The following ROCK2 variants were observed in gnomAD, a reference collection of about 807,000 sequenced individuals.
ROCK2 encodes rho-associated protein kinase 2.
Under a neutral mutation model 195.1 loss-of-function variants are expected in ROCK2, and 61 were observed. The ratio of observed to expected loss-of-function variants is 0.31; its 90% confidence interval spans 0.25 to 0.39. ROCK2 has a LOEUF of 0.39. Ranked by LOEUF, ROCK2 falls within the 10% of genes least tolerant of loss-of-function variation. ROCK2 has a pLI of 1.00. For synonymous variants in ROCK2, 504 were observed against 545.5 expected (o/e 0.92, Z 1.06); for missense variants, 1,109 against 1,637.4 (o/e 0.68, Z 5.57).
chr2:11,301,790 A>AG (rs1349283473), intron 1 of ROCK2, among the ~76,000 whole-genome samples: 1 of 152,042 alleles, frequency 6.6e-6, no homozygotes, highest in African/African-American at 2.4e-5. Flanking sequence ...AAAAAAAAAA[A>AG]AAAAAAATCT....
intron 20 of ROCK2, among the ~76,000 whole-genome samples, chr2:11,202,423 A>C (rs1305687742): frequency 2.0e-5 from 3 of 151,982 alleles, no homozygotes; most frequent in Non-Finnish European, 4.4e-5. Flanking sequence ...TTTCTAACAC[A>C]ATACAAATCA....
rs1261004517 is a variant in ROCK2 at position 11,221,360 on chromosome 2, A to G, written c.1100-3T>C. 2.6e-6 allele frequency: 4 copies of G among 1,522,362 alleles called. No homozygotes were observed. The highest frequency in any genetic ancestry group is 3.5e-6 in the Non-Finnish European group (4 of 1,146,474). 94.3% of individuals were successfully genotyped at this position (1,522,362 alleles called of 1,614,324 possible). A position where few individuals can be genotyped will look rare whatever the true frequency, so the allele number is the denominator to read the frequency against. On this transcript the variant is annotated splice_polypyrimidine_tract_variant and splice_region_variant and intron_variant, in intron 8 of 32. Coordinates refer to ENST00000315872, the MANE Select transcript of ROCK2 (RefSeq NM_004850.5). ...TTCAGGTACTACAGGAGCTGCCGCT[A>G]TTAAAAGAAAAGAAATAAATTATTT...
chr2:11,332,143 A>T (rs923467206), intron 1 of ROCK2, among the ~76,000 whole-genome samples: 1 of 151,360 alleles, frequency 6.6e-6, no homozygotes, highest in Non-Finnish European at 1.5e-5. Flanking sequence ...CCATCTCTTA[A>T]AAAAAAAACC....
chr2:11,222,034 T>C (rs372596800), intron 8 of ROCK2, 49 bp downstream of exon 8: 9 of 1,093,694 alleles, frequency 8.2e-6, no homozygotes, highest in East Asian at 7.1e-5. Context: ...AATCAACTTA[T>C]GAGTTTCAGA....
intron 3 of ROCK2, among the ~76,000 whole-genome samples, chr2:11,253,591 T>C (rs762866866): frequency 1.2e-4 from 19 of 152,266 alleles, no homozygotes; most frequent in Admixed American, 8.5e-4. Flanking sequence ...CTGTCTCCCA[T>C]AGTGGAATGT....
chr2:11,335,111 ACAC>A (rs769824455), intron 1 of ROCK2, among the ~76,000 whole-genome samples: 595 of 6,482 alleles, frequency 0.092, 2 homozygotes, highest in Non-Finnish European at 0.16. Context: ...TGACTGATAC[ACAC>A]ACACACACAC....
intron 1 of ROCK2, among the ~76,000 whole-genome samples, chr2:11,329,969 T>C (rs753777658): frequency 4.6e-5 from 7 of 152,182 alleles, no homozygotes; most frequent in Non-Finnish European, 1.0e-4. Flanking sequence ...AACTGACTCA[T>C]GAAGTCTCAA....
At chr2:11,260,269 G>A (rs1030349813) in intron 3 of ROCK2, among the ~76,000 whole-genome samples, 4 of 150,898 alleles carry the variant, frequency 2.7e-5, no homozygotes, top group African/African-American at 7.4e-5. Context: ...CCAACATGGC[G>A]AAACCCCATC....
chr2:11,315,479 CAG>C (rs1668163210), intron 1 of ROCK2, among the ~76,000 whole-genome samples: 1 of 150,758 alleles, frequency 6.6e-6, no homozygotes, highest in Non-Finnish European at 1.5e-5. Flanking sequence ...TAAAAAAAAA[CAG>C]TAAATTATCT....
chr2:11,302,325 T>TTG (rs2148218238), intron 1 of ROCK2, among the ~76,000 whole-genome samples: 1 of 151,816 alleles, frequency 6.6e-6, no homozygotes, highest in South Asian at 2.1e-4. Flanking sequence ...TGTTGTTGTT[T>TTG]TTTTTTTCTT....
At chr2:11,319,441 C>T (rs911016663) in intron 1 of ROCK2, among the ~76,000 whole-genome samples, 1 of 152,148 alleles carries the variant, frequency 6.6e-6, no homozygotes, top group African/African-American at 2.4e-5. Context: ...GACTTCTGCA[C>T]ATTGATTTTG....
At chr2:11,331,120 C>T (rs180959729) in intron 1 of ROCK2, among the ~76,000 whole-genome samples, 7 of 151,608 alleles carry the variant, frequency 4.6e-5, no homozygotes, top group Admixed American at 1.3e-4. Context: ...AAAAAGGTAC[C>T]ACATGTAGTT....
At chr2:11,188,228 G>T (rs1663273316) in intron 32 of ROCK2, among the ~76,000 whole-genome samples, 1 of 150,010 alleles carries the variant, frequency 6.7e-6, no homozygotes, top group South Asian at 2.1e-4. Flanking sequence ...CTCTGCCTCA[G>T]CCTCCCCAGT....
intron 1 of ROCK2, among the ~76,000 whole-genome samples, chr2:11,332,889 T>C (rs1020399408): frequency 3.3e-5 from 5 of 152,158 alleles, no homozygotes; most frequent in Non-Finnish European, 5.9e-5. Context: ...TCAAAAACAT[T>C]ACGTTAGGTA....
intron 1 of ROCK2, among the ~76,000 whole-genome samples, chr2:11,288,049 A>G (rs1667253482): frequency 6.6e-6 from 1 of 152,216 alleles, no homozygotes; most frequent in African/African-American, 2.4e-5. Context: ...GCCAAATTTC[A>G]TCAGGTTTTG....
chr2:11,251,862 C>T (rs1460014026), intron 3 of ROCK2, among the ~76,000 whole-genome samples: 2 of 152,080 alleles, frequency 1.3e-5, no homozygotes, highest in African/African-American at 4.8e-5. Flanking sequence ...AGGATATGAA[C>T]AGACACCTCT....
chr2:11,308,498 T>C (rs1667934046), intron 1 of ROCK2: 4 of 1,590,860 alleles, frequency 2.5e-6, no homozygotes, highest in Non-Finnish European at 3.4e-6. Flanking sequence ...CTTACCAAGG[T>C]TGCCACTGGA....
At position 11,327,149 on chromosome 2, in the gene ROCK2, T is replaced by C. The variant is rs759285877; in HGVS notation, c.141+16847A>G. Among the ~76,000 whole-genome samples, 29 of 152,288 alleles carry C rather than the reference T, an allele frequency of 1.9e-4. 1 individual carries two copies. Among genetic ancestry groups the C allele is most frequent in the South Asian group, 6.2e-4 (3 of 4,826 alleles). ...GACAAACTGATCCAGAACTTAGGTT[T>C]TGCCAGATACATACGATGAAAATTC... On this transcript the variant is annotated intron_variant, in intron 1 of 32. Coordinates refer to ENST00000315872, the MANE Select transcript of ROCK2 (RefSeq NM_004850.5).
intron 27 of ROCK2, among the ~76,000 whole-genome samples, chr2:11,196,961 CAT>C (rs989901928): frequency 3.3e-4 from 50 of 152,150 alleles, no homozygotes; most frequent in Admixed American, 2.2e-3. Context: ...AAAAACTAGA[CAT>C]GTGGAGTTTT....
Sources: gnomAD v4.1 joint callset for allele counts (sites outside exome capture counted in the v4.1 genomes callset) on GRCh38, gnomAD v4.1.1 for gene constraint, MANE v1.5 for transcripts, NCBI Gene and HGNC (gene_info 2026-07-23, HGNC 2026-07-21) for gene names.